Variants in RABGAP1 observed in about 807,000 individuals in gnomAD.
RABGAP1 encodes RAB GTPase activating protein 1.
Under a neutral mutation model 137.6 loss-of-function variants are expected in RABGAP1, and 23 were observed. That is an observed-to-expected ratio of 0.17 (90% CI 0.12 to 0.24). RABGAP1 has a LOEUF of 0.24. Ranked by LOEUF, RABGAP1 falls within the 10% of genes least tolerant of loss-of-function variation. RABGAP1 has a pLI of 1.00. For synonymous variants in RABGAP1, 451 were observed against 450.7 expected, an observed-to-expected ratio of 1.00 and a Z score of -0.01; for missense variants, 906 against 1,275.8, an observed-to-expected ratio of 0.71 and a Z score of 4.42.
At chr9:122,940,690 C>T (rs1242858270), upstream of RABGAP1, 2 of 152,212 alleles carry the variant, frequency 1.3e-5, no homozygotes, top group African/African-American at 4.8e-5. Flanking sequence ...GGGGTTGTAC[C>T]CTTTGTTAGG....
chr9:122,937,116 TAGTG>T (rs1207380501), upstream of RABGAP1, among the ~76,000 whole-genome samples: 1 of 152,200 alleles, frequency 6.6e-6, no homozygotes, highest in Non-Finnish European at 1.5e-5. Context: ...CTGGGCAACA[TAGTG>T]AGACCCCATC....
At chr9:123,079,246 T>G (rs1171689325) in intron 19 of RABGAP1, among the ~76,000 whole-genome samples, 12 of 148,038 alleles carry the variant, frequency 8.1e-5, no homozygotes, top group Admixed American at 1.3e-4. Context: ...TTTGTTTTTT[T>G]TTTTTTTTTT....
At chr9:122,953,827 C>T (rs973759603) in intron 1 of RABGAP1, among the ~76,000 whole-genome samples, 8 of 152,170 alleles carry the variant, frequency 5.3e-5, no homozygotes, top group African/African-American at 1.9e-4. Flanking sequence ...GGCTCTTGCT[C>T]TTTTCCATCT....
chr9:123,054,655 G>A (rs1435159123), intron 13 of RABGAP1, among the ~76,000 whole-genome samples: 3 of 152,032 alleles, frequency 2.0e-5, no homozygotes, highest in Non-Finnish European at 4.4e-5. Flanking sequence ...TCTGCTCCAG[G>A]ATTCCCTCCA....
In RABGAP1 at chr9:122,949,059, A is replaced by G. The variant is rs554816275; in HGVS notation, c.-49-7952A>G. 5.1e-4 allele frequency among the ~76,000 whole-genome samples: 77 copies of G among 152,256 alleles called. No homozygotes were observed. The South Asian group carries it at 0.015, about 29-fold the overall frequency. ...CAGTAATTGCTTCTGGAATGAATGG[A>G]TTGATCAATATAGCGGAGTAGAAAA... On this transcript the variant is annotated intron_variant, in intron 1 of 25. Transcript: ENST00000373647.
chr9:122,954,930 G>T (rs190124023), intron 1 of RABGAP1, among the ~76,000 whole-genome samples: 49 of 152,236 alleles, frequency 3.2e-4, no homozygotes, highest in African/African-American at 1.2e-3. Context: ...AAATTAAAAG[G>T]CACTCACCAT....
rs750157405 is a variant in RABGAP1, at chr9:123,099,563, T to G, written c.2889+14T>G. On this transcript the variant is annotated intron_variant, in intron 24 of 25. Coordinates refer to ENST00000373647, the MANE Select transcript of RABGAP1 (RefSeq NM_012197.4). ...GAGAAAATTCGGGTAAGACTTCTCT[T>G]TACCTAAAAGATTTTATACCACCTA... 1.3e-6 allele frequency: 2 copies of G among 1,587,034 alleles called. No individual in the cohort carries two copies. The highest frequency in any genetic ancestry group is 1.7e-6 in the Non-Finnish European group (2 of 1,155,650).
intron 2 of RABGAP1, among the ~76,000 whole-genome samples, chr9:122,973,990 A>G (rs1835619214): frequency 1.3e-5 from 2 of 151,224 alleles, no homozygotes; most frequent in Admixed American, 6.6e-5. Flanking sequence ...CTGGGCGACG[A>G]GCGAAACTTC....
intron 2 of RABGAP1, among the ~76,000 whole-genome samples, chr9:122,974,395 C>G (rs1490245906): frequency 1.4e-5 from 2 of 146,778 alleles, no homozygotes; most frequent in Non-Finnish European, 1.5e-5. Context: ...CTTTTCCTCC[C>G]AAGATGGAAA....
Position 122,997,275 on chromosome 9 carries a change from G to A in RABGAP1, c.1118G>A (p.Ser373Asn), listed in dbSNP as rs1321493393. Residue 373 changes from serine to asparagine, a missense_variant, in exon 9 of 26, where the codon AGT becomes AAT. Physicochemically the swap from Ser to Asn is conservative, Grantham distance 46. Coordinates refer to ENST00000373647, the MANE Select transcript of RABGAP1 (RefSeq NM_012197.4). ...TTTTTCTAGGAATCTATGGGCAAAA[G>A]TTCAGATGGAAAGTCGTATGTTATT... The part of the protein sequence containing the change: ...HLLDLESMGK[S>N]SDGKSYVITG... 6.2e-7 allele frequency: 1 copy of A among 1,605,624 alleles called. No homozygotes were observed. The highest frequency in any genetic ancestry group is 2.2e-5 in the East Asian group (1 of 44,804).
Position 122,984,545 on chromosome 9 carries a change from C to A in RABGAP1, c.211C>A (p.Pro71Thr). The change falls in exon 3 of 26, where the codon CCT becomes ACT. Residue 71 changes from proline (P) to threonine (T), a missense_variant. Physicochemically the swap from Pro to Thr is conservative, Grantham distance 38 (BLOSUM62 -1). Transcript: ENST00000373647. Reference protein sequence around the residue: ...QKELADVLMDPPMDDQPGEKE... With the variant: ...QKELADVLMDTPMDDQPGEKE... ...AGAGCTAGCAGATGTACTGATGGAT[C>A]CTCCAATGGACGACCAGCCAGGGGA... The A allele has an allele frequency of 6.2e-7, 1 of 1,614,128 alleles. No individual in the cohort carries two copies. The highest frequency in any genetic ancestry group is 8.5e-7 in the Non-Finnish European group (1 of 1,180,026).
At chr9:123,058,755 T>C (rs1446501388) in intron 13 of RABGAP1, among the ~76,000 whole-genome samples, 1 of 152,240 alleles carries the variant, frequency 6.6e-6, no homozygotes, top group Non-Finnish European at 1.5e-5. Flanking sequence ...CCCCTTTTTC[T>C]CTTGAAGTTT....
intron 13 of RABGAP1, among the ~76,000 whole-genome samples, chr9:123,046,619 G>A (rs2033219563): frequency 6.6e-6 from 1 of 152,230 alleles, no homozygotes; most frequent in African/African-American, 2.4e-5. Flanking sequence ...GCTAATGCAT[G>A]TAAAGCTCTT....
At chr9:123,061,543 A>G (rs2033972164) in intron 13 of RABGAP1, among the ~76,000 whole-genome samples, 1 of 152,200 alleles carries the variant, frequency 6.6e-6, no homozygotes, top group Non-Finnish European at 1.5e-5. Context: ...AAAGCCAAAA[A>G]TTTTTACCTG....
At chr9:123,050,767 G>C (rs2033418843) in intron 13 of RABGAP1, among the ~76,000 whole-genome samples, 1 of 152,156 alleles carries the variant, frequency 6.6e-6, no homozygotes, top group Admixed American at 6.5e-5. Flanking sequence ...GTAAGATTGA[G>C]CTGCAGATTT....
chr9:122,942,264 G>T (rs1014911352), intron 1 of RABGAP1, among the ~76,000 whole-genome samples: 1 of 152,190 alleles, frequency 6.6e-6, no homozygotes, highest in African/African-American at 2.4e-5. Flanking sequence ...AAAAAGCTTA[G>T]GTACTAAGGA....
chr9:123,103,319 A>C lies in RABGAP1; in HGVS notation c.*106A>C. The C allele has an allele frequency of 1.3e-6, 2 of 1,509,816 alleles. No homozygotes were observed. Among genetic ancestry groups the C allele is most frequent in the Non-Finnish European group, 1.8e-6 (2 of 1,119,208 alleles). The allele number at this position is 1,509,816 out of a possible 1,614,324, so 93.5% of individuals were successfully genotyped here. ...CTTGTCCCAGGACCAGAATGTACCT[A>C]AGTCAGATCCATAGACGCATGTTGG... On this transcript the variant is annotated 3_prime_UTR_variant, in exon 26 of 26. Transcript: ENST00000373647.
intron 24 of RABGAP1, among the ~76,000 whole-genome samples, chr9:123,100,107 A>G (rs1370617313): frequency 6.6e-6 from 1 of 152,156 alleles, no homozygotes; most frequent in Non-Finnish European, 1.5e-5. Context: ...GGTGGGCACC[A>G]TTGCGCCCAG....
intron 19 of RABGAP1, among the ~76,000 whole-genome samples, chr9:123,078,397 T>G (rs2132167416): frequency 6.6e-6 from 1 of 152,264 alleles, no homozygotes; most frequent in East Asian, 1.9e-4. Context: ...CTTTTATATG[T>G]GGGGATTAGC....
Sources: allele counts gnomAD v4.1 joint callset (sites outside exome capture counted in the v4.1 genomes callset), GRCh38; gene constraint gnomAD v4.1.1; transcripts MANE v1.5; gene names NCBI Gene and HGNC (gene_info 2026-07-23, HGNC 2026-07-21).